The following KIF21B variants were observed in gnomAD, a reference collection of about 807,000 sequenced individuals.
The protein encoded by KIF21B is kinesin family member 21B.
KIF21B carries 85 observed loss-of-function variants against 192.9 expected under a neutral mutation model. The observed-to-expected ratio is 0.44, with a 90% CI of 0.37 to 0.53. The LOEUF (loss-of-function observed/expected upper bound fraction) is 0.53. KIF21B is among the 20% of genes least tolerant of loss of function. KIF21B has a pLI of 0.00. For synonymous variants in KIF21B, 832 were observed against 884.6 expected (o/e 0.94, Z 1.05); for missense variants, 1,716 against 2,194.8 (o/e 0.78, Z 4.36).
Position 200,988,548 on chromosome 1 carries a change from T to C in KIF21B, c.3299-4A>G. 1 of 354,978 alleles carries C rather than the reference T, an allele frequency of 2.8e-6. No homozygotes were observed. Among genetic ancestry groups the C allele is most frequent in the Non-Finnish European group, 4.7e-6 (1 of 210,864 alleles). 22.0% of individuals were successfully genotyped at this position (354,978 alleles called of 1,614,324 possible). ...TCTGTGCTGGCGTAGCCATTCTCTG[T>C]GGGAGGGCGGGAGGGAGGGAAAGGG... On this transcript the variant is annotated splice_polypyrimidine_tract_variant and splice_region_variant and intron_variant, in intron 22 of 34. Coordinates refer to ENST00000461742, the MANE Select transcript of KIF21B (RefSeq NM_001252102.2).
chr1:200,974,085 T>C (rs1655381176), intron 34 of KIF21B: 1 of 1,606,128 alleles, frequency 6.2e-7, no homozygotes, highest in Non-Finnish European at 8.5e-7. Flanking sequence ...ACAGGGAGAG[T>C]TGGGGAGGGT....
intron 3 of KIF21B, among the ~76,000 whole-genome samples, chr1:201,006,413 G>A (rs1571957699): frequency 6.6e-6 from 1 of 152,224 alleles, no homozygotes; most frequent in Non-Finnish European, 1.5e-5. Context: ...ACTAGGGCTG[G>A]GGAGTGGAAT....
rs1655130536 is a variant in KIF21B, at chr1:200,969,793, A to C, written c.*3728T>G. ...TGGGGATGGGGCAGGGGACAGAACA[A>C]AGGTATCAAAGAAGAAACAGAACTT... On this transcript the variant is annotated 3_prime_UTR_variant, in exon 35 of 35. Transcript: ENST00000461742. The C allele has an allele frequency of 6.6e-6, 1 of 152,466 alleles. No homozygotes were observed. Among genetic ancestry groups the C allele is most frequent in the Non-Finnish European group, 1.5e-5 (1 of 68,112 alleles). The allele number at this position is 152,466 out of a possible 1,614,324, so 9.4% of individuals were successfully genotyped here.
chr1:200,975,682 G>A lies in KIF21B; in HGVS notation c.4444-13C>T, dbSNP rs1301141213. 2 of 1,597,814 alleles carry A rather than the reference G, an allele frequency of 1.3e-6. No homozygotes were observed. Among genetic ancestry groups the A allele is most frequent in the Non-Finnish European group, 1.7e-6 (2 of 1,169,814 alleles). On this transcript the variant is annotated splice_polypyrimidine_tract_variant and intron_variant, in intron 32 of 34. Coordinates refer to ENST00000461742, the MANE Select transcript of KIF21B (RefSeq NM_001252102.2). The surrounding 1 kb of genome is among the most constrained non-coding windows in gnomAD (Gnocchi z 4.3). ...CCAGCTCGAACATCTGTGGGAGGAG[G>A]GGCCAGTAGGGAGAGGCCAAGTGGG... is the stretch of plus-strand genomic sequence containing the variant.
chr1:200,987,302 C>G (rs1656373103), intron 24 of KIF21B, 101 bp from the exon 25 acceptor site: 1 of 1,056,330 alleles, frequency 9.5e-7, no homozygotes. Flanking sequence ...GACAGTGGTG[C>G]AAACATGGCT....
chr1:200,986,735 G>T, intron 26 of KIF21B, 109 bp downstream of exon 26: 1 of 1,000,540 alleles, frequency 1.0e-6, no homozygotes, highest in Non-Finnish European at 1.5e-6. Context: ...AGCTGGCCCA[G>T]GTTACACTGT....
rs1241362615 is a variant in KIF21B, at chr1:200,975,544, A to G, written c.4569T>C (p.Asp1523=). ...QGDILFSGSR[D]NGIKKWDLDQ... ...CTAGGTCCCACTTCTTGATGCCGTT[A>G]TCTCGGGAGCCACTGAACAGGATGT... is the stretch of plus-strand genomic sequence containing the variant. Residue 1523 remains aspartate (D), a synonymous_variant, in exon 33 of 35, where the codon GAT becomes GAC. Coordinates refer to ENST00000461742, the MANE Select transcript of KIF21B (RefSeq NM_001252102.2). The surrounding 1 kb of genome is among the most constrained non-coding windows in gnomAD (Gnocchi z 4.3). 3 of 1,613,594 alleles carry G rather than the reference A, an allele frequency of 1.9e-6. No homozygotes were observed. The African/African-American group carries it at 4.0e-5, about 22-fold the overall frequency.
chr1:200,997,944 T>G lies in KIF21B; in HGVS notation c.2077+440A>C, dbSNP rs190678090. Among the ~76,000 whole-genome samples, 103 of 152,326 alleles carry G rather than the reference T, an allele frequency of 6.8e-4. 2 individuals carry two copies. Among genetic ancestry groups the G allele is most frequent in the East Asian group, 7.7e-4 (4 of 5,194 alleles). ...ATATCTCTAGCACTAGAACAATGTCTGCTCTGTAAGACATATTCAACATGT... is the reference window on the plus strand; with the variant it reads ...ATATCTCTAGCACTAGAACAATGTCGGCTCTGTAAGACATATTCAACATGT... On this transcript the variant is annotated intron_variant, in intron 14 of 34. Transcript: ENST00000461742.
intron 14 of KIF21B, 52 bp from the exon 15 acceptor site, chr1:200,996,447 T>C (rs759659656): frequency 6.6e-7 from 1 of 1,523,536 alleles, no homozygotes; most frequent in Non-Finnish European, 9.1e-7. Context: ...GGGCTCCCAC[T>C]AAATACAGGG....
In KIF21B at chr1:200,972,005, G is replaced by A. The variant is rs1387396685; in HGVS notation, c.*1516C>T. 6.6e-6 allele frequency: 1 copy of A among 151,644 alleles called. No individual in the cohort carries two copies. The highest frequency in any genetic ancestry group is 2.4e-5 in the African/African-American group (1 of 41,252). The allele number at this position is 151,644 out of a possible 1,614,324, so 9.4% of individuals were successfully genotyped here. A position where few individuals can be genotyped will look rare whatever the true frequency, so the allele number is the denominator to read the frequency against. On this transcript the variant is annotated 3_prime_UTR_variant, in exon 35 of 35. Coordinates refer to ENST00000461742, the MANE Select transcript of KIF21B (RefSeq NM_001252102.2). The stretch of plus-strand genomic sequence containing the variant: ...TGGCTCTTGGCTCCCAGACTGAAGC[G>A]GGAAGCACAAGACCAGCGATGCAAC...
intron 29 of KIF21B, among the ~76,000 whole-genome samples, chr1:200,980,064 C>A (rs1655817239): frequency 6.6e-6 from 1 of 152,174 alleles, no homozygotes; most frequent in Admixed American, 6.5e-5. Context: ...ACACTAATTG[C>A]TGACAAAGCA....
rs1338626964 is a variant in KIF21B at position 200,999,344 on chromosome 1, C to A, written c.1885+5G>T. 2 of 1,614,106 alleles carry A rather than the reference C, an allele frequency of 1.2e-6. No homozygotes were observed. Among genetic ancestry groups the A allele is most frequent in the South Asian group, 1.1e-5 (1 of 91,080 alleles). On this transcript the variant is annotated splice_donor_5th_base_variant and intron_variant, in intron 13 of 34. Coordinates refer to ENST00000461742, the MANE Select transcript of KIF21B (RefSeq NM_001252102.2). This position sits in a 1 kb window ranked among gnomAD's most constrained non-coding sequence, Gnocchi z 4.7. ...CCCCACAGCCCACAGCTCAGGCCCA[C>A]GCACCCTTCTCCTCGGGGTCTGAGT...
At chr1:200,993,769 A>C (rs1445513790) in intron 15 of KIF21B, among the ~76,000 whole-genome samples, 3 of 143,554 alleles carry the variant, frequency 2.1e-5, no homozygotes, top group Non-Finnish European at 4.5e-5. Flanking sequence ...ACAAAACAAA[A>C]AAAAAAAAAA....
rs1655779269 is a variant in KIF21B at position 200,979,542 on chromosome 1, T to C, written c.4153A>G (p.Thr1385Ala). ...DIRDSAKCIRTLTSSGQVISG... is the reference protein window; with the variant it reads ...DIRDSAKCIRALTSSGQVISG... ...CAGGCGGGGGTTACTCACGTGAGAG[T>C]CCGAATGCACTTGGCTGAGTCCCGG... The change falls in exon 30 of 35, where the codon ACT becomes GCT. Residue 1385 changes from threonine to alanine, a missense_variant. Around this residue, in one of 3 missense-constraint regions of KIF21B, gnomAD observed 580 missense variants for 775.5 expected, o/e 0.75. Transcript: ENST00000461742. The C allele has an allele frequency of 1.9e-6, 3 of 1,543,042 alleles. No individual in the cohort carries two copies. The African/African-American group carries it at 4.2e-5, about 21-fold the overall frequency.
chr1:201,001,874 C>A, intron 9 of KIF21B: 1 of 459,490 alleles, frequency 2.2e-6, no homozygotes, highest in South Asian at 2.8e-5. Context: ...ATAGAGGTTC[C>A]TTCTGAGAAG....
rs1348440029 is a variant in KIF21B, at chr1:200,998,905, A to T, written c.1886-330T>A. Among the ~76,000 whole-genome samples, 1 of 152,130 alleles carries T rather than the reference A, an allele frequency of 6.6e-6. No homozygotes were observed. Among genetic ancestry groups the T allele is most frequent in the Non-Finnish European group, 1.5e-5 (1 of 68,012 alleles). Reference sequence around the variant, plus strand: ...GAGGAGGGTGAGATGGCTGAGAGCAACTTACAGGGCTAGGGCCAGGGCTGG... The same window carrying T: ...GAGGAGGGTGAGATGGCTGAGAGCATCTTACAGGGCTAGGGCCAGGGCTGG... On this transcript the variant is annotated intron_variant, in intron 13 of 34. Transcript: ENST00000461742. This position sits in a 1 kb window ranked among gnomAD's most constrained non-coding sequence, Gnocchi z 4.3.
At chr1:201,007,375 G>GACACACACAGACACACATAC (rs1244724038) in intron 3 of KIF21B, among the ~76,000 whole-genome samples, 1 of 42,354 alleles carries the variant, frequency 2.4e-5, no homozygotes, top group Non-Finnish European at 4.3e-5. Context: ...CACACACAGA[G>GACACACACAGACACACATAC]ACAGAGACAC....
chr1:200,984,079 GC>G (rs1656125388), intron 27 of KIF21B, among the ~76,000 whole-genome samples: 1 of 152,168 alleles, frequency 6.6e-6, no homozygotes, highest in Non-Finnish European at 1.5e-5. Context: ...ACCAGGGTGG[GC>G]CCAGCAATGC....
At chr1:201,011,116 C>A (rs189778550) in intron 1 of KIF21B, among the ~76,000 whole-genome samples, 13 of 152,362 alleles carry the variant, frequency 8.5e-5, no homozygotes, top group African/African-American at 3.1e-4. Flanking sequence ...CCAGCTTCTT[C>A]GTCTCCCAAC....
Sources: gnomAD v4.1 joint callset for allele counts (sites outside exome capture counted in the v4.1 genomes callset) on GRCh38, gnomAD v4.1.1 for gene constraint, gnomAD v4.1.1 regional missense constraint, Gnocchi (gnomAD v3.1) non-coding constraint, MANE v1.5 for transcripts, NCBI Gene and HGNC (gene_info 2026-07-23, HGNC 2026-07-21) for gene names.